Variants in TENT5D observed in about 807,000 individuals in gnomAD.
The protein encoded by TENT5D is terminal nucleotidyltransferase 5D.
For missense variants in TENT5D, 191 were observed against 287.0 expected (o/e 0.67, Z 2.42); for synonymous variants, 103 against 100.6 (o/e 1.02, Z -0.15).
chrX:80,388,126 G>A (rs1331705554), intron 3 of TENT5D, among the ~76,000 whole-genome samples: 1 of 110,378 alleles, frequency 9.1e-6, no homozygotes, highest in Non-Finnish European at 1.9e-5. Context: ...AACCTTCAGG[G>A]CAGTGAGCTA....
intron 3 of TENT5D, among the ~76,000 whole-genome samples, chrX:80,350,165 G>T (rs972756298): frequency 9.0e-6 from 1 of 111,438 alleles, no homozygotes; most frequent in African/African-American, 3.3e-5. Context: ...TACTAGGTCT[G>T]CTTGGTCCAG....
chrX:80,417,451 T>G (rs887149633), upstream of TENT5D, among the ~76,000 whole-genome samples: 1 of 110,134 alleles, frequency 9.1e-6, no homozygotes, highest in African/African-American at 3.3e-5. Flanking sequence ...TTTTTTTTTT[T>G]TTTTTTCCAC....
At chrX:80,388,806 G>A (rs139372177) in intron 3 of TENT5D, among the ~76,000 whole-genome samples, 276 of 111,456 alleles carry the variant, frequency 2.5e-3, no homozygotes, top group African/African-American at 8.3e-3. Context: ...AGCACACCGG[G>A]ACCTGCCTAG....
chrX:80,397,294 G>A (rs1931289996), intron 3 of TENT5D, among the ~76,000 whole-genome samples: 1 of 108,224 alleles, frequency 9.2e-6, no homozygotes, highest in Non-Finnish European at 1.9e-5. Context: ...CCCAGACGGG[G>A]TGGCGGGGCA....
chrX:80,362,375 G>A (rs1930426413), intron 3 of TENT5D, among the ~76,000 whole-genome samples: 1 of 111,298 alleles, frequency 9.0e-6, no homozygotes, highest in Non-Finnish European at 1.9e-5. Flanking sequence ...ATGTTAACCA[G>A]GATGGCCTCA....
At chrX:80,399,445 T>A (rs1249631251) in intron 3 of TENT5D, among the ~76,000 whole-genome samples, 1 of 112,175 alleles carries the variant, frequency 8.9e-6, no homozygotes, top group Non-Finnish European at 1.9e-5. Context: ...TTTCTAGGCT[T>A]TCTTTTTTTC....
intron 3 of TENT5D, among the ~76,000 whole-genome samples, chrX:80,397,388 C>T (rs1211378937): frequency 5.6e-5 from 6 of 106,754 alleles, no homozygotes; most frequent in African/African-American, 1.4e-4. Context: ...CGGGAAGAGG[C>T]GCTCCTCACT....
chrX:80,391,259 A>T (rs1345904263), intron 3 of TENT5D, among the ~76,000 whole-genome samples: 2 of 111,707 alleles, frequency 1.8e-5, no homozygotes, highest in Admixed American at 1.9e-4. Flanking sequence ...TAGTTACAAA[A>T]GGGCACAGAG....
intron 3 of TENT5D, among the ~76,000 whole-genome samples, chrX:80,347,614 C>A (rs1930090505): frequency 8.9e-6 from 1 of 111,927 alleles, no homozygotes; most frequent in East Asian, 2.8e-4. Context: ...TTCTCCCATT[C>A]TGTAGGTTGC....
chrX:80,355,594 G>A (rs927971526), intron 3 of TENT5D, among the ~76,000 whole-genome samples: 1 of 111,512 alleles, frequency 9.0e-6, no homozygotes, highest in Admixed American at 9.6e-5. Context: ...TGTGGGGGTC[G>A]TTGGGTCTCC....
intron 3 of TENT5D, among the ~76,000 whole-genome samples, chrX:80,377,781 T>G (rs1367632650): frequency 8.9e-6 from 1 of 111,963 alleles, no homozygotes; most frequent in Admixed American, 9.5e-5. Flanking sequence ...AAATGATATT[T>G]CTAATTCTAG....
chrX:80,407,362 T>G, intron 3 of TENT5D, among the ~76,000 whole-genome samples: 1 of 110,493 alleles, frequency 9.1e-6, no homozygotes, highest in Non-Finnish European at 1.9e-5. Context: ...ACCCATCTCA[T>G]GGGCAGAGAC....
intron 3 of TENT5D, among the ~76,000 whole-genome samples, chrX:80,349,444 A>G (rs1930131197): frequency 9.0e-6 from 1 of 111,650 alleles, no homozygotes; most frequent in Non-Finnish European, 1.9e-5. Context: ...GTTTATTTGC[A>G]TAGAGGTGTG....
intron 2 of TENT5D, among the ~76,000 whole-genome samples, chrX:80,439,921 T>G (rs1202721784): frequency 1.8e-5 from 2 of 110,713 alleles, no homozygotes; most frequent in Admixed American, 9.7e-5. Context: ...AACTCAGAAT[T>G]TGTCAGTTAG....
At position 80,405,121 on chromosome X, in the gene TENT5D, C is replaced by A. The variant is rs775534155; in HGVS notation, c.-141-33489C>A. Among the ~76,000 whole-genome samples, 12 of 111,924 alleles carry A rather than the reference C, an allele frequency of 1.1e-4. No individual in the cohort carries two copies. In the South Asian group the frequency reaches 4.5e-3, roughly 42 times the overall value. On this transcript the variant is annotated intron_variant, in intron 3 of 4. Transcript: ENST00000538312. ...TGAAGGAGAGCGTTATTATTTTTCACCCTTTAAAAGGGGAGAGAAAACTGA... is the reference window on the plus strand; with the variant it reads ...TGAAGGAGAGCGTTATTATTTTTCAACCTTTAAAAGGGGAGAGAAAACTGA...
intron 3 of TENT5D, among the ~76,000 whole-genome samples, chrX:80,359,347 A>G (rs113410974): frequency 0.014 from 1,569 of 111,932 alleles, 34 homozygotes; most frequent in African/African-American, 0.049. Context: ...AGACACATGC[A>G]CACATATGTT....
intron 3 of TENT5D, among the ~76,000 whole-genome samples, chrX:80,393,243 A>C (rs2147539263): frequency 9.0e-6 from 1 of 110,769 alleles, no homozygotes; most frequent in African/African-American, 3.3e-5. Flanking sequence ...CATCTCTCCA[A>C]ATATTCCTTT....
chrX:80,409,915 C>T (rs1366266830), intron 3 of TENT5D, among the ~76,000 whole-genome samples: 1 of 107,857 alleles, frequency 9.3e-6, no homozygotes, highest in Non-Finnish European at 1.9e-5. Context: ...ATCAATGGAA[C>T]AGAACAGAGC....
chrX:80,405,126 TA>T (rs1275868653), intron 3 of TENT5D, among the ~76,000 whole-genome samples: 5 of 112,046 alleles, frequency 4.5e-5, no homozygotes, highest in Non-Finnish European at 7.5e-5. Flanking sequence ...TTTCACCCTT[TA>T]AAAGGGGAGA....
Sources: allele counts gnomAD v4.1 joint callset (sites outside exome capture counted in the v4.1 genomes callset), GRCh38; gene constraint gnomAD v4.1.1; transcripts MANE v1.5; gene names NCBI Gene and HGNC (gene_info 2026-07-23, HGNC 2026-07-21).